The following CRADD variants were observed in gnomAD, a reference collection of about 807,000 sequenced individuals.
The protein encoded by CRADD is CARD and death domain containing adaptor protein, also known as death domain-containing protein CRADD.
CRADD carries 9 observed loss-of-function variants against 15.5 expected under a neutral mutation model. The observed-to-expected ratio is 0.58, with a 90% CI of 0.35 to 1.01. CRADD has a LOEUF of 1.01. CRADD is among the 50% of genes least tolerant of loss of function. CRADD has a pLI of 0.02. For synonymous variants in CRADD, 118 were observed against 107.6 expected (o/e 1.10, Z -0.60); for missense variants, 227 against 250.3 (o/e 0.91, Z 0.63).
intron 2 of CRADD, among the ~76,000 whole-genome samples, chr12:93,802,418 TCATGTCA>T (rs1430416495): frequency 6.6e-6 from 1 of 152,222 alleles, no homozygotes; most frequent in Admixed American, 6.5e-5. Flanking sequence ...GAGCTTGATC[TCATGTCA>T]GCCATCATCA....
chr12:93,828,012 A>G (rs938049961), intron 2 of CRADD, among the ~76,000 whole-genome samples: 2 of 152,182 alleles, frequency 1.3e-5, no homozygotes, highest in Admixed American at 6.5e-5. Context: ...CAAGCATTCT[A>G]ATTTGAGTAG....
intron 2 of CRADD, among the ~76,000 whole-genome samples, chr12:93,892,795 TC>T (rs1187907098): frequency 2.6e-5 from 4 of 151,854 alleles, no homozygotes; most frequent in African/African-American, 7.3e-5. Context: ...TCTCCCGTGC[TC>T]CCCCTCCAGC....
chr12:93,852,740 A>G (rs1231409893), downstream of CRADD, among the ~76,000 whole-genome samples: 2 of 152,204 alleles, frequency 1.3e-5, no homozygotes, highest in Non-Finnish European at 2.9e-5. Flanking sequence ...TATCCCCAAG[A>G]AAACTGAATG....
At chr12:93,817,675 A>C (rs964407577) in intron 2 of CRADD, among the ~76,000 whole-genome samples, 1 of 151,210 alleles carries the variant, frequency 6.6e-6, no homozygotes, top group Non-Finnish European at 1.5e-5. Context: ...ACCTCATCAT[A>C]AAGCAGGTTG....
At chr12:93,774,898 C>A (rs190435897) in intron 2 of CRADD, among the ~76,000 whole-genome samples, 1 of 152,208 alleles carries the variant, frequency 6.6e-6, no homozygotes, top group Non-Finnish European at 1.5e-5. Flanking sequence ...GTGGAAGGGA[C>A]CAGCTGCTAG....
At chr12:93,765,921 G>A (rs1384227691) in intron 2 of CRADD, among the ~76,000 whole-genome samples, 3 of 152,060 alleles carry the variant, frequency 2.0e-5, no homozygotes, top group Admixed American at 2.0e-4. Context: ...CCAGATTGAG[G>A]AACTCCAACC....
chr12:93,786,051 A>G (rs1168974395), intron 2 of CRADD, among the ~76,000 whole-genome samples: 1 of 152,232 alleles, frequency 6.6e-6, no homozygotes, highest in East Asian at 1.9e-4. Flanking sequence ...ACTCAAAAGC[A>G]TTAACTGCCG....
chr12:93,706,658 T>A (rs1023374354), intron 2 of CRADD, among the ~76,000 whole-genome samples: 3 of 152,188 alleles, frequency 2.0e-5, no homozygotes, highest in Non-Finnish European at 4.4e-5. Flanking sequence ...TGCCTACTCA[T>A]TTTGGGGAGC....
At chr12:93,800,661 T>A (rs1214287289) in intron 2 of CRADD, among the ~76,000 whole-genome samples, 1 of 152,154 alleles carries the variant, frequency 6.6e-6, no homozygotes, top group Non-Finnish European at 1.5e-5. Flanking sequence ...ATTGTAAGTT[T>A]CCTGACATGC....
In CRADD at chr12:93,881,451, G is replaced by T. The variant is rs536280042; in HGVS notation, c.299-12599G>T. Among the ~76,000 whole-genome samples the T allele has an allele frequency of 2.5e-3, 303 of 120,398 alleles. 2 individuals are homozygous for T. Among genetic ancestry groups the T allele is most frequent in the South Asian group, 5.6e-3 (17 of 3,052 alleles). 79.0% of individuals were successfully genotyped at this position (120,398 alleles called of 152,430 possible). On this transcript the variant is annotated intron_variant, in intron 2 of 2. Transcript: ENST00000548483. ...CAAAAAAAAAGTGTGGGGGGGGGGT[G>T]GGGATCAATCCTTTGCAGCTTCCAA...
intron 2 of CRADD, among the ~76,000 whole-genome samples, chr12:93,734,065 T>C (rs1956519229): frequency 6.6e-6 from 1 of 151,928 alleles, no homozygotes; most frequent in South Asian, 2.1e-4. Context: ...TCCTCCCTCC[T>C]TCCCTTCCTT....
intron 2 of CRADD, among the ~76,000 whole-genome samples, chr12:93,710,864 C>T (rs1956053355): frequency 6.6e-6 from 1 of 151,982 alleles, no homozygotes; most frequent in South Asian, 2.1e-4. Context: ...TATTTGTTAG[C>T]ATTATCTTTT....
chr12:93,880,729 T>C (rs1182591122), intron 2 of CRADD, among the ~76,000 whole-genome samples: 1 of 152,224 alleles, frequency 6.6e-6, no homozygotes, highest in Non-Finnish European at 1.5e-5. Context: ...ATCAGTCAGA[T>C]AGGTGGATTT....
chr12:93,880,639 C>T (rs2137072668), intron 2 of CRADD, among the ~76,000 whole-genome samples: 2 of 152,246 alleles, frequency 1.3e-5, no homozygotes, highest in South Asian at 4.1e-4. Context: ...TCCCCTCACT[C>T]TCCCCGGTAC....
At chr12:93,691,574 G>T (rs1211946525) in intron 2 of CRADD, among the ~76,000 whole-genome samples, 1 of 152,070 alleles carries the variant, frequency 6.6e-6, no homozygotes, top group East Asian at 1.9e-4. Flanking sequence ...ATTTTTAACT[G>T]GTGAAAAGCA....
At chr12:93,878,804 A>G (rs35613486) in intron 2 of CRADD, among the ~76,000 whole-genome samples, 53,876 of 152,014 alleles carry the variant, frequency 0.35, 10,869 homozygotes, top group Middle Eastern at 0.47. Flanking sequence ...CGGCAATTCA[A>G]GACTGTTTTT....
intron 2 of CRADD, among the ~76,000 whole-genome samples, chr12:93,699,286 C>A (rs1293904611): frequency 6.6e-6 from 1 of 152,146 alleles, no homozygotes; most frequent in East Asian, 1.9e-4. Context: ...ATTTGTCATA[C>A]CAGGGCCATT....
At chr12:93,770,117 A>G (rs1423411203) in intron 2 of CRADD, among the ~76,000 whole-genome samples, 1 of 116,482 alleles carries the variant, frequency 8.6e-6, no homozygotes, top group Non-Finnish European at 1.7e-5. Flanking sequence ...TTTTTTTGAG[A>G]CGGAGTCTCG....
chr12:93,683,172 G>C (rs543092867), intron 2 of CRADD, among the ~76,000 whole-genome samples: 1 of 152,296 alleles, frequency 6.6e-6, no homozygotes, highest in African/African-American at 2.4e-5. Flanking sequence ...ATCTGGAAAG[G>C]AGGTTGATGG....
Sources: gnomAD v4.1 joint callset for allele counts (sites outside exome capture counted in the v4.1 genomes callset) on GRCh38, gnomAD v4.1.1 for gene constraint, MANE v1.5 for transcripts, NCBI Gene and HGNC (gene_info 2026-07-23, HGNC 2026-07-21) for gene names.